GPR149: variants seen among roughly 807,000 people sequenced by gnomAD.
The protein encoded by GPR149 is probable G protein-coupled receptor 149.
In GPR149, 50 loss-of-function variants were observed where a neutral mutation model predicts 50.2. The observed-to-expected ratio is 1.00, with a 90% CI of 0.79 to 1.26. GPR149 has a LOEUF of 1.26. Among genes scored for constraint, GPR149 ranks in the 50% most tolerant of loss-of-function variants. The pLI, the probability that GPR149 is intolerant of heterozygous loss-of-function variation, is 0.00. For missense variants in GPR149, 983 were observed against 895.4 expected, an observed-to-expected ratio of 1.10 and a Z score of -1.25; for synonymous variants, 405 against 358.2, an observed-to-expected ratio of 1.13 and a Z score of -1.48.
intron 3 of GPR149, among the ~76,000 whole-genome samples, chr3:154,406,929 G>T (rs1459406449): frequency 6.6e-6 from 1 of 152,218 alleles, no homozygotes; most frequent in African/African-American, 2.4e-5. Flanking sequence ...AGTTCCACAT[G>T]GCTGGGAAGG....
At chr3:154,400,581 G>A (rs1184995299) in intron 3 of GPR149, among the ~76,000 whole-genome samples, 1 of 151,830 alleles carries the variant, frequency 6.6e-6, no homozygotes, top group Non-Finnish European at 1.5e-5. Flanking sequence ...TCATTCTGAT[G>A]CTCTCTCTAT....
chr3:154,422,701 A>T (rs1712180438), intron 2 of GPR149, among the ~76,000 whole-genome samples: 1 of 151,526 alleles, frequency 6.6e-6, no homozygotes. Context: ...TGTTTGAGCC[A>T]GAACACAAAC....
rs542605622 is a variant in GPR149 at position 154,421,145 on chromosome 3, G to A, written c.1517C>T (p.Thr506Ile). The change falls in exon 3 of 4, where the codon ACC becomes ATC. Residue 506 changes from threonine to isoleucine, a missense_variant. Coordinates refer to ENST00000389740, the MANE Select transcript of GPR149 (RefSeq NM_001038705.3). ...TGGDINYEETTFSEGPERRLS... is the reference protein window; with the variant it reads ...TGGDINYEETIFSEGPERRLS... ...TCTTCTTTCTGGCCCTTCAGAAAAG[G>A]TAGTTTCTTCATAGTTAATATCACC... 1.2e-6 allele frequency: 2 copies of A among 1,613,332 alleles called. No homozygotes were observed. The highest frequency in any genetic ancestry group is 1.1e-5 in the South Asian group (1 of 91,058).
intron 3 of GPR149, among the ~76,000 whole-genome samples, chr3:154,379,685 A>G (rs978407538): frequency 2.0e-5 from 3 of 152,162 alleles, no homozygotes. Flanking sequence ...TCCCAGCACC[A>G]TTTGTTGAAA....
intron 3 of GPR149, among the ~76,000 whole-genome samples, chr3:154,382,349 G>A (rs573639757): frequency 6.6e-6 from 1 of 152,230 alleles, no homozygotes; most frequent in Non-Finnish European, 1.5e-5. Context: ...TCAACACCAG[G>A]GGTCAGATGT....
At chr3:154,352,617 A>G in intron 3 of GPR149, 1 of 777,750 alleles carries the variant, frequency 1.3e-6, no homozygotes, top group Non-Finnish European at 2.4e-6. Context: ...GTGGTTCAAA[A>G]CTTGATGCAC....
chr3:154,351,311 TA>T (rs1714072192), intron 3 of GPR149, among the ~76,000 whole-genome samples: 1 of 19,680 alleles, frequency 5.1e-5, no homozygotes, highest in Admixed American at 9.5e-4. Flanking sequence ...GACATCCACA[TA>T]CAAAAAAAAA....
intron 3 of GPR149, among the ~76,000 whole-genome samples, chr3:154,397,133 T>C (rs1715311643): frequency 6.6e-6 from 1 of 152,172 alleles, no homozygotes; most frequent in East Asian, 1.9e-4. Flanking sequence ...CTCCTATTAA[T>C]TGGGGAAAGT....
intron 1 of GPR149, 46 bp downstream of exon 1, chr3:154,428,589 C>G (rs374504158): frequency 6.4e-7 from 1 of 1,562,246 alleles, no homozygotes; most frequent in African/African-American, 1.4e-5. Flanking sequence ...CTCATTTACA[C>G]TGTCTGGCAC....
At chr3:154,426,842 TTTTG>T (rs1234352935) in intron 2 of GPR149, among the ~76,000 whole-genome samples, 15 of 149,398 alleles carry the variant, frequency 1.0e-4, no homozygotes, top group Admixed American at 3.4e-4. Flanking sequence ...AAACTGAGGG[TTTTG>T]TTTGTTTTTA....
intron 3 of GPR149, among the ~76,000 whole-genome samples, chr3:154,376,506 TGTAA>T (rs535379004): frequency 2.1e-4 from 32 of 152,318 alleles, no homozygotes; most frequent in African/African-American, 7.7e-4. Context: ...CAAATAAATG[TGTAA>T]GTGTGTACAT....
At chr3:154,415,120 T>C (rs1401341864) in intron 3 of GPR149, among the ~76,000 whole-genome samples, 4 of 146,236 alleles carry the variant, frequency 2.7e-5, no homozygotes, top group Admixed American at 6.8e-5. Context: ...AGTGAGTTCC[T>C]AGTCACTTGA....
Position 154,428,566 on chromosome 3 carries a change from G to C in GPR149, c.981+69C>G. ...CTTGGTGACTCCCCAAACCGGCGAC[G>C]CCGGTCCCAACACTCATTTACACTG... On this transcript the variant is annotated intron_variant, in intron 1 of 3. Coordinates refer to ENST00000389740, the MANE Select transcript of GPR149 (RefSeq NM_001038705.3). The C allele has an allele frequency of 7.3e-6, 11 of 1,509,150 alleles. No homozygotes were observed. In the South Asian group the frequency reaches 1.1e-4, roughly 14 times the overall value. The allele number at this position is 1,509,150 out of a possible 1,614,324, so 93.5% of individuals were successfully genotyped here. A position where few individuals can be genotyped will look rare whatever the true frequency, so the allele number is the denominator to read the frequency against.
At chr3:154,352,248 G>T in intron 3 of GPR149, 1 of 860,196 alleles carries the variant, frequency 1.2e-6, no homozygotes, top group Non-Finnish European at 1.9e-6. Context: ...CTGTCTACCT[G>T]ATAGGCCACC....
chr3:154,348,264 T>C (rs1443115135), intron 3 of GPR149, among the ~76,000 whole-genome samples: 1 of 152,202 alleles, frequency 6.6e-6, no homozygotes, highest in Non-Finnish European at 1.5e-5. Flanking sequence ...CAGATTCCTC[T>C]GCAGTAGTTT....
chr3:154,352,402 C>T (rs924545507), intron 3 of GPR149: 5 of 1,013,372 alleles, frequency 4.9e-6, no homozygotes, highest in Non-Finnish European at 3.1e-6. Flanking sequence ...CAGTTGGAAT[C>T]GTGCCACACT....
chr3:154,351,445 T>C (rs1411034228), intron 3 of GPR149, among the ~76,000 whole-genome samples: 2 of 151,166 alleles, frequency 1.3e-5, no homozygotes, highest in African/African-American at 4.9e-5. Context: ...ATTTGAAAGA[T>C]ATAGGAGAAA....
chr3:154,376,280 ATTGT>A (rs751643249), intron 3 of GPR149, among the ~76,000 whole-genome samples: 2 of 152,130 alleles, frequency 1.3e-5, no homozygotes, highest in Non-Finnish European at 2.9e-5. Flanking sequence ...TACTCATCTC[ATTGT>A]TTGTAAAGAA....
chr3:154,382,728 CAAG>C (rs1479937484), intron 3 of GPR149, among the ~76,000 whole-genome samples: 3 of 152,026 alleles, frequency 2.0e-5, no homozygotes, highest in African/African-American at 7.2e-5. Flanking sequence ...TTCATATACT[CAAG>C]AAGAATACAT....
Sources: gnomAD v4.1 joint callset for allele counts (sites outside exome capture counted in the v4.1 genomes callset) on GRCh38, gnomAD v4.1.1 for gene constraint, MANE v1.5 for transcripts, NCBI Gene and HGNC (gene_info 2026-07-23, HGNC 2026-07-21) for gene names.